Variants in RAB38 observed in about 807,000 individuals in gnomAD.
RAB38 encodes the protein RAB38, member RAS oncogene family.
A neutral mutation model predicts 18.4 loss-of-function variants in RAB38; 15 were observed. The ratio of observed to expected loss-of-function variants is 0.82; its 90% CI spans 0.55 to 1.26. The LOEUF (loss-of-function observed/expected upper bound fraction) is 1.26, where lower values mean the gene tolerates loss of function less well. Ranked by LOEUF, RAB38 falls within the 50% of genes most tolerant of loss-of-function variation. The probability of loss-of-function intolerance (pLI) is 0.00; values close to 1 mark genes in which losing one functional copy is unlikely to be tolerated. For synonymous variants in RAB38, 101 were observed against 104.4 expected, an observed-to-expected ratio of 0.97 and a Z score of 0.20; for missense variants, 294 against 267.4, an observed-to-expected ratio of 1.10 and a Z score of -0.69.
At chr11:87,876,297 G>A in the RAB38 span, among the ~76,000 whole-genome samples, 1 of 151,478 alleles carries the variant, frequency 6.6e-6, no homozygotes, top group Admixed American at 6.6e-5. Context: ...CTTCTCTAGT[G>A]GGTATCTGGG....
chr11:88,146,980 T>C (rs1213012226), intron 2 of RAB38, among the ~76,000 whole-genome samples: 2 of 152,252 alleles, frequency 1.3e-5, no homozygotes, highest in Non-Finnish European at 2.9e-5. Context: ...CTAAAGGTAC[T>C]AAACATTGTG....
chr11:87,899,196 C>G, the RAB38 span, among the ~76,000 whole-genome samples: 1 of 151,564 alleles, frequency 6.6e-6, no homozygotes, highest in South Asian at 2.1e-4. Flanking sequence ...GTTTACTGCA[C>G]CGGGTGCAAA....
chr11:87,865,690 G>C, the RAB38 span, among the ~76,000 whole-genome samples: 3 of 151,498 alleles, frequency 2.0e-5, no homozygotes, highest in African/African-American at 7.3e-5. Flanking sequence ...AAAAGAGAAG[G>C]TAGAGAAGAA....
intron 1 of RAB38, among the ~76,000 whole-genome samples, chr11:88,165,141 C>T (rs1027787867): frequency 2.0e-5 from 3 of 152,016 alleles, no homozygotes; most frequent in Non-Finnish European, 4.4e-5. Flanking sequence ...ATAATGAGCA[C>T]CTTCTAAAAG....
chr11:87,893,390 A>ATATATATATATTTTTTTTT, the RAB38 span, among the ~76,000 whole-genome samples: 2 of 93,916 alleles, frequency 2.1e-5, no homozygotes, highest in African/African-American at 3.7e-5. Flanking sequence ...ATATATATAT[A>ATATATATATATTTTTTTTT]TTTTTTTTTT....
the RAB38 span, among the ~76,000 whole-genome samples, chr11:87,977,546 T>A: frequency 8.8e-6 from 1 of 113,928 alleles, no homozygotes; most frequent in South Asian, 2.6e-4. Context: ...ATCATTATTA[T>A]ATAATATAAT....
intron 1 of RAB38, among the ~76,000 whole-genome samples, chr11:88,165,050 C>CA (rs1354605828): frequency 6.6e-6 from 1 of 151,866 alleles, no homozygotes; most frequent in African/African-American, 2.4e-5. Context: ...ATGATGCATG[C>CA]AAAAAATTCA....
In RAB38 at chr11:88,138,303, A is replaced by C. The variant is rs139976491; in HGVS notation, c.483+11372T>G. On this transcript the variant is annotated intron_variant, in intron 2 of 2. Transcript: ENST00000243662. The stretch of plus-strand genomic sequence containing the variant: ...CATTGAAAATAAGCACAGACAGCAA[A>C]TTATGTGAGTGACTAATATTTTCAT... Among the ~76,000 whole-genome samples the C allele has an allele frequency of 1.0e-3, 155 of 152,374 alleles. 1 individual carries two copies. The highest frequency in any genetic ancestry group is 3.6e-3 in the African/African-American group (148 of 41,588).
At chr11:88,012,417 C>T in the RAB38 span, among the ~76,000 whole-genome samples, 5 of 152,194 alleles carry the variant, frequency 3.3e-5, no homozygotes, top group South Asian at 2.1e-4. Flanking sequence ...GGGAGGAAGA[C>T]GGTGGGAACC....
the RAB38 span, among the ~76,000 whole-genome samples, chr11:88,035,307 T>C: frequency 3.3e-5 from 5 of 152,342 alleles, no homozygotes; most frequent in Admixed American, 3.3e-4. Flanking sequence ...GCCAGTCTTG[T>C]ACCTGCTTCT....
the RAB38 span, among the ~76,000 whole-genome samples, chr11:87,898,059 A>C: frequency 6.6e-6 from 1 of 151,596 alleles, no homozygotes; most frequent in South Asian, 2.1e-4. Context: ...TATATTTCCC[A>C]AAAATAAAAA....
the RAB38 span, among the ~76,000 whole-genome samples, chr11:87,947,123 G>T: frequency 6.6e-6 from 1 of 152,124 alleles, no homozygotes; most frequent in Admixed American, 6.5e-5. Context: ...GTTTTGATTT[G>T]CATTTCTCTG....
intron 2 of RAB38, among the ~76,000 whole-genome samples, chr11:88,146,585 G>A (rs1942989343): frequency 1.3e-5 from 2 of 152,158 alleles, no homozygotes; most frequent in Admixed American, 1.3e-4. Context: ...TGTAAATGTT[G>A]TAATACTATA....
chr11:87,951,091 ATTCTT>A, the RAB38 span, among the ~76,000 whole-genome samples: 3 of 150,530 alleles, frequency 2.0e-5, no homozygotes, highest in Non-Finnish European at 3.0e-5. Flanking sequence ...ATTTCTTTCT[ATTCTT>A]TTATCTCTAA....
chr11:88,132,553 GT>G (rs1210468902), intron 2 of RAB38, among the ~76,000 whole-genome samples: 4 of 152,156 alleles, frequency 2.6e-5, no homozygotes, highest in African/African-American at 9.7e-5. Flanking sequence ...TGCATCCCAG[GT>G]TCAAGTGATT....
At chr11:88,153,687 C>T (rs952180569) in intron 1 of RAB38, among the ~76,000 whole-genome samples, 17 of 152,242 alleles carry the variant, frequency 1.1e-4, no homozygotes, top group African/African-American at 4.1e-4. Flanking sequence ...AAGAAATACC[C>T]ATCCCTAGTT....
the RAB38 span, among the ~76,000 whole-genome samples, chr11:88,025,395 C>T: frequency 1.3e-5 from 2 of 152,084 alleles, no homozygotes; most frequent in South Asian, 2.1e-4. Context: ...GGGTATATAC[C>T]GAGTAACGGG....
intron 2 of RAB38, among the ~76,000 whole-genome samples, chr11:88,133,610 G>T (rs1409508728): frequency 6.6e-6 from 1 of 152,096 alleles, no homozygotes; most frequent in African/African-American, 2.4e-5. Flanking sequence ...AATAGAGGGG[G>T]ATAATTATTT....
chr11:88,042,052 G>C, the RAB38 span, among the ~76,000 whole-genome samples: 1 of 152,046 alleles, frequency 6.6e-6, no homozygotes, highest in Admixed American at 6.5e-5. Context: ...GCATATAATA[G>C]ATTTCTTCAC....
Sources: gnomAD v4.1 joint callset for allele counts (sites outside exome capture counted in the v4.1 genomes callset) on GRCh38, gnomAD v4.1.1 for gene constraint, MANE v1.5 for transcripts, NCBI Gene and HGNC (gene_info 2026-07-23, HGNC 2026-07-21) for gene names.